Variants in NRXN3 observed in about 807,000 individuals in gnomAD.
The protein encoded by NRXN3 is neurexin III.
Under a neutral mutation model 137.6 loss-of-function variants are expected in NRXN3, and 32 were observed. The observed-to-expected ratio is 0.23, with a 90% confidence interval of 0.18 to 0.31. The LOEUF (loss-of-function observed/expected upper bound fraction) is 0.31. NRXN3 is among the 10% of genes least tolerant of loss of function. NRXN3 has a pLI of 1.00. For missense variants in NRXN3, 1,574 were observed against 2,062.5 expected, an observed-to-expected ratio of 0.76 and a Z score of 4.59; for synonymous variants, 798 against 784.5, an observed-to-expected ratio of 1.02 and a Z score of -0.29.
chr14:78,697,161 C>G (rs930684277), intron 6 of NRXN3, among the ~76,000 whole-genome samples: 2 of 152,050 alleles, frequency 1.3e-5, no homozygotes, highest in African/African-American at 4.8e-5. Flanking sequence ...TATGGAGAAT[C>G]TGAATTTAGT....
chr14:78,507,045 T>G (rs1037267816), intron 4 of NRXN3, among the ~76,000 whole-genome samples: 10 of 152,134 alleles, frequency 6.6e-5, no homozygotes, highest in Middle Eastern at 3.2e-3. Context: ...TTTGAGTGTT[T>G]AAAACATTCC....
intron 10 of NRXN3, among the ~76,000 whole-genome samples, chr14:78,831,559 AAAC>A (rs1246185082): frequency 3.3e-5 from 5 of 149,338 alleles, no homozygotes; most frequent in East Asian, 3.9e-4. Flanking sequence ...AAAAAAAAAA[AAAC>A]AACAACAGAA....
At chr14:78,879,529 G>C (rs914906848) in intron 10 of NRXN3, among the ~76,000 whole-genome samples, 19 of 152,150 alleles carry the variant, frequency 1.2e-4, no homozygotes, top group African/African-American at 4.3e-4. Flanking sequence ...CTCCCTGTAG[G>C]AAATGTCTAT....
intron 4 of NRXN3, among the ~76,000 whole-genome samples, chr14:78,641,623 G>C (rs2097633470): frequency 1.3e-5 from 2 of 152,192 alleles, no homozygotes; most frequent in South Asian, 4.1e-4. Context: ...ATTGTTTGTT[G>C]ACCAATGGAG....
intron 10 of NRXN3, among the ~76,000 whole-genome samples, chr14:78,851,430 A>G (rs1394246897): frequency 6.6e-6 from 1 of 152,212 alleles, no homozygotes; most frequent in Non-Finnish European, 1.5e-5. Flanking sequence ...TCACTCGTAA[A>G]GGCTGTGTTA....
At chr14:78,493,424 G>A (rs956938231) in intron 4 of NRXN3, among the ~76,000 whole-genome samples, 19 of 151,842 alleles carry the variant, frequency 1.3e-4, no homozygotes, top group African/African-American at 4.1e-4. Flanking sequence ...TTGGGAGGCT[G>A]AGGCAGGAGA....
At chr14:78,628,995 C>T (rs780673876) in intron 4 of NRXN3, among the ~76,000 whole-genome samples, 1 of 152,168 alleles carries the variant, frequency 6.6e-6, no homozygotes, top group Admixed American at 6.5e-5. Flanking sequence ...ATCTCAGCTC[C>T]CCTCCTTGAA....
At chr14:79,837,276 G>A (rs17764871) in intron 20 of NRXN3, among the ~76,000 whole-genome samples, 7,706 of 129,488 alleles carry the variant, frequency 0.06, 209 homozygotes, top group Middle Eastern at 0.065. Context: ...TGGCCATAGC[G>A]CTTACCTTAA....
At chr14:78,381,114 C>T (rs888171626) in intron 4 of NRXN3, among the ~76,000 whole-genome samples, 21 of 152,120 alleles carry the variant, frequency 1.4e-4, no homozygotes, top group African/African-American at 3.9e-4. Context: ...AAAAATGAAC[C>T]TCAACCTAAG....
chr14:78,896,382 T>C (rs764637396), intron 10 of NRXN3, among the ~76,000 whole-genome samples: 1 of 151,872 alleles, frequency 6.6e-6, no homozygotes, highest in African/African-American at 2.4e-5. Context: ...AATAATATAA[T>C]AATAATAGAA....
intron 16 of NRXN3, among the ~76,000 whole-genome samples, chr14:79,658,122 A>G (rs1296337855): frequency 2.0e-5 from 3 of 152,334 alleles, no homozygotes; most frequent in Non-Finnish European, 2.9e-5. Flanking sequence ...AAATAACTCA[A>G]TTATAACATG....
intron 16 of NRXN3, chr14:79,611,736 T>C (rs1214936541): frequency 6.6e-6 from 1 of 152,244 alleles, no homozygotes; most frequent in African/African-American, 2.4e-5. Flanking sequence ...TATTGTTCAG[T>C]GGTTTCAAGT....
At position 79,478,088 on chromosome 14, in the gene NRXN3, G is replaced by A. The variant is rs577252483; in HGVS notation, c.3444+10686G>A. On this transcript the variant is annotated intron_variant, in intron 16 of 20. Coordinates refer to ENST00000335750, the MANE Select transcript of NRXN3 (RefSeq NM_001330195.2). ...GGCCTAGAGAATTCACAGCTTGGCA[G>A]TGACAGTGGAAGGTTTAAGGAGTGC... Among the ~76,000 whole-genome samples the A allele has an allele frequency of 1.2e-3, 178 of 151,838 alleles. 1 individual carries two copies. The highest frequency in any genetic ancestry group is 4.3e-3 in the African/African-American group (177 of 41,482).
chr14:79,043,386 C>T (rs765891959), intron 15 of NRXN3, among the ~76,000 whole-genome samples: 6 of 152,170 alleles, frequency 3.9e-5, no homozygotes, highest in Non-Finnish European at 7.3e-5. Context: ...TGGGTGGAGG[C>T]GGATCAGGAT....
chr14:78,771,637 A>G (rs958811838), intron 8 of NRXN3, among the ~76,000 whole-genome samples: 1 of 152,202 alleles, frequency 6.6e-6, no homozygotes, highest in Non-Finnish European at 1.5e-5. Context: ...ATAGGGAGCA[A>G]CCTGCAGACA....
intron 19 of NRXN3, among the ~76,000 whole-genome samples, chr14:79,721,584 T>A (rs772612478): frequency 2.0e-5 from 3 of 151,976 alleles, no homozygotes; most frequent in Non-Finnish European, 1.5e-5. Flanking sequence ...AGGAATGACT[T>A]CGGAAAAAAG....
chr14:78,400,004 A>G (rs2091899718), intron 4 of NRXN3, among the ~76,000 whole-genome samples: 1 of 152,226 alleles, frequency 6.6e-6, no homozygotes, highest in African/African-American at 2.4e-5. Flanking sequence ...TGTTTTTACA[A>G]TATCTATTGT....
At chr14:78,920,594 C>T (rs2099268333) in intron 10 of NRXN3, among the ~76,000 whole-genome samples, 2 of 152,142 alleles carry the variant, frequency 1.3e-5, no homozygotes. Context: ...GTTAAGGACT[C>T]AGTCTCACAA....
intron 20 of NRXN3, among the ~76,000 whole-genome samples, chr14:79,836,312 ATATT>A (rs1406467988): frequency 6.6e-6 from 1 of 152,168 alleles, no homozygotes; most frequent in Non-Finnish European, 1.5e-5. Context: ...CATCAGTTCC[ATATT>A]TAAGACTAGA....
Sources: gnomAD v4.1 joint callset for allele counts (sites outside exome capture counted in the v4.1 genomes callset) on GRCh38, gnomAD v4.1.1 for gene constraint, MANE v1.5 for transcripts, NCBI Gene and HGNC (gene_info 2026-07-23, HGNC 2026-07-21) for gene names.